Variants in UROD observed in about 807,000 individuals in gnomAD.
UROD encodes uroporphyrinogen III decarboxylase.
UROD carries 34 observed loss-of-function variants against 47.1 expected under a neutral mutation model. The ratio of observed to expected loss-of-function variants is 0.72; its 90% CI spans 0.55 to 0.96. UROD has a LOEUF of 0.96. UROD is among the 40% of genes least tolerant of loss of function. The pLI is 0.00. For synonymous variants in UROD, 148 were observed against 175.8 expected (o/e 0.84, Z 1.25); for missense variants, 381 against 471.8 (o/e 0.81, Z 1.78).
Position 45,013,432 on chromosome 1 carries a change from C to T in UROD, c.276+78C>T. On this transcript the variant is annotated intron_variant, in intron 4 of 9. Coordinates refer to ENST00000246337, the MANE Select transcript of UROD (RefSeq NM_000374.5). The surrounding 1 kb of genome is among the most constrained non-coding windows in gnomAD (Gnocchi z 4.2). ...CTTCTATCAGTCCAGTCAAGGTTTA[C>T]AATAAGCACTTATCCTAACTGGATC... is the stretch of plus-strand genomic sequence containing the variant. 1.2e-6 allele frequency: 2 copies of T among 1,608,426 alleles called. No individual in the cohort carries two copies. The highest frequency in any genetic ancestry group is 2.2e-5 in the South Asian group (2 of 90,970).
intron 6 of UROD, 142 bp from the exon 7 acceptor site, chr1:45,014,294 ATTT>A: frequency 2.8e-6 from 3 of 1,068,696 alleles, no homozygotes; most frequent in Non-Finnish European, 4.0e-6. Flanking sequence ...AGGAAAGTAA[ATTT>A]TTTTTTTTTT....
rs763906014 is a variant in UROD, at chr1:45,013,577, G to A, written c.277-17G>A. 6.2e-7 allele frequency: 1 copy of A among 1,614,112 alleles called. No homozygotes were observed. Among genetic ancestry groups the A allele is most frequent in the South Asian group, 1.1e-5 (1 of 91,078 alleles). ...TGGATTCCATTTTGGGAACCCAGAT[G>A]TTTTCTCCCCCTCCAGGCACTGGGC... On this transcript the variant is annotated splice_polypyrimidine_tract_variant and intron_variant, in intron 4 of 9. Transcript: ENST00000246337. This position sits in a 1 kb window ranked among gnomAD's most constrained non-coding sequence, Gnocchi z 4.2.
chr1:45,013,516 TTCC>T lies in UROD; in HGVS notation c.277-73_277-71del. 6.2e-7 allele frequency: 1 copy of T among 1,609,238 alleles called. No homozygotes were observed. The highest frequency in any genetic ancestry group is 8.5e-7 in the Non-Finnish European group (1 of 1,176,748). ...TGGCAGAGTTTTATTCTCCTTTTCC[TTCC>T]TCCTGGAATGAGCTGAACAGAACCT... On this transcript the variant is annotated intron_variant, in intron 4 of 9. Coordinates refer to ENST00000246337, the MANE Select transcript of UROD (RefSeq NM_000374.5). This position sits in a 1 kb window ranked among gnomAD's most constrained non-coding sequence, Gnocchi z 4.2.
Position 45,013,508 on chromosome 1 carries a change from C to T in UROD, c.277-86C>T. On this transcript the variant is annotated intron_variant, in intron 4 of 9. Transcript: ENST00000246337. This position sits in a 1 kb window ranked among gnomAD's most constrained non-coding sequence, Gnocchi z 4.2. ...ATGGAGTTTGGCAGAGTTTTATTCT[C>T]CTTTTCCTTCCTCCTGGAATGAGCT... The T allele has an allele frequency of 1.2e-6, 2 of 1,606,366 alleles. No homozygotes were observed. The highest frequency in any genetic ancestry group is 1.7e-6 in the Non-Finnish European group (2 of 1,174,680).
Position 45,013,163 on chromosome 1 carries a change from A to G in UROD, c.161A>G (p.Asp54Gly). Residue 54 changes from aspartate (D) to glycine (G), a missense_variant, in exon 3 of 10, where the codon GAC becomes GGC. By Grantham distance (94) the Asp-to-Gly change is moderately conservative. Coordinates refer to ENST00000246337, the MANE Select transcript of UROD (RefSeq NM_000374.5). The surrounding 1 kb of genome is among the most constrained non-coding windows in gnomAD (Gnocchi z 4.2). ...PEFRETRAAQ[D>G]FFSTCRSPEA... is the part of the protein sequence containing the mutation. ...TTTAGGGAAACCCGGGCTGCCCAGG[A>G]CTTTTTCAGCACGTGTCGCTCTCCT... 1 of 1,614,094 alleles carries G rather than the reference A, an allele frequency of 6.2e-7. No homozygotes were observed. The highest frequency in any genetic ancestry group is 8.5e-7 in the Non-Finnish European group (1 of 1,180,022).
In UROD at chr1:45,013,299, G is replaced by C; in HGVS notation, c.221G>C (p.Arg74Pro). 1.2e-6 allele frequency: 2 copies of C among 1,614,150 alleles called. No individual in the cohort carries two copies. Among genetic ancestry groups the C allele is most frequent in the Non-Finnish European group, 1.7e-6 (2 of 1,180,026 alleles). The change falls in exon 4 of 10, where the codon CGT becomes CCT. Residue 74 changes from arginine to proline, a missense_variant. Transcript: ENST00000246337. This position sits in a 1 kb window ranked among gnomAD's most constrained non-coding sequence, Gnocchi z 4.2. The stretch of plus-strand genomic sequence containing the variant: ...GTCTCCTGTTTCCTACAGCCACTGC[G>C]TCGCTTCCCTCTGGATGCTGCCATC... ...ACCELTLQPLRRFPLDAAIIF... is the reference protein window; with the variant it reads ...ACCELTLQPLPRFPLDAAIIF...
chr1:45,015,443 T>C lies in UROD; in HGVS notation c.1049T>C (p.Val350Ala), dbSNP rs775229050. The C allele has an allele frequency of 1.2e-6, 2 of 1,614,196 alleles. No homozygotes were observed. Among genetic ancestry groups the C allele is most frequent in the Non-Finnish European group, 1.7e-6 (2 of 1,180,030 alleles). Residue 350 changes from valine to alanine, a missense_variant, in exon 10 of 10, where the codon GTG becomes GCG. Coordinates refer to ENST00000246337, the MANE Select transcript of UROD (RefSeq NM_000374.5). ...TATCCTGACATGGACCCAGAACATGTGGGCGCCTTTGTGGATGCTGTGCAT... is the reference window on the plus strand; with the variant it reads ...TATCCTGACATGGACCCAGAACATGCGGGCGCCTTTGTGGATGCTGTGCAT... ...GLYPDMDPEHVGAFVDAVHKH... is the reference protein window; with the variant it reads ...GLYPDMDPEHAGAFVDAVHKH...
At position 45,012,296 on chromosome 1, in the gene UROD, C is replaced by T. The variant is rs200431536; in HGVS notation, c.20+11C>T. 5.6e-6 allele frequency: 9 copies of T among 1,614,110 alleles called. No individual in the cohort carries two copies. The South Asian group carries it at 8.8e-5, about 16-fold the overall frequency. ...AGCGAATGGGTTGGGGTGAGTTCTC[C>T]AGAGCACGCGGTGTGGCTAGCCGGG... On this transcript the variant is annotated intron_variant, in intron 1 of 9. Coordinates refer to ENST00000246337, the MANE Select transcript of UROD (RefSeq NM_000374.5).
Position 45,013,023 on chromosome 1 carries a change from A to G in UROD, c.133+4A>G. ...CAGGCAGGCCGTTACTTACCAGGTA[A>G]GAGTCAGGGTCTGGAAATCTAGATA... On this transcript the variant is annotated splice_donor_region_variant and intron_variant, in intron 2 of 9. Coordinates refer to ENST00000246337, the MANE Select transcript of UROD (RefSeq NM_000374.5). The surrounding 1 kb of genome is among the most constrained non-coding windows in gnomAD (Gnocchi z 4.2). The G allele has an allele frequency of 6.2e-7, 1 of 1,614,112 alleles. No homozygotes were observed. The highest frequency in any genetic ancestry group is 8.5e-7 in the Non-Finnish European group (1 of 1,179,990).
At position 45,013,205 on chromosome 1, in the gene UROD, T is replaced by G. The variant is rs766486124; in HGVS notation, c.203T>G (p.Leu68Arg). 1 of 1,614,180 alleles carries G rather than the reference T, an allele frequency of 6.2e-7. No individual in the cohort carries two copies. Among genetic ancestry groups the G allele is most frequent in the Non-Finnish European group, 8.5e-7 (1 of 1,180,030 alleles). ...CGCTCTCCTGAGGCCTGCTGTGAAC[T>G]GACTCTGCAGGTGAGGGGTCCACAA... ...TCRSPEACCE[L>R]TLQPLRRFPL... Residue 68 changes from leucine (L) to arginine (R), a missense_variant, in exon 3 of 10, where the codon CTG becomes CGG. Physicochemically the swap from Leu to Arg is moderately radical, Grantham distance 102. Coordinates refer to ENST00000246337, the MANE Select transcript of UROD (RefSeq NM_000374.5). The surrounding 1 kb of genome is among the most constrained non-coding windows in gnomAD (Gnocchi z 4.2).
Position 45,013,796 on chromosome 1 carries a change from T to C in UROD, c.474+5T>C, listed in dbSNP as rs146943643. The C allele has an allele frequency of 4.2e-5, 67 of 1,614,154 alleles. No homozygotes were observed. The Middle Eastern group carries it at 6.6e-4, about 16-fold the overall frequency. On this transcript the variant is annotated splice_donor_5th_base_variant and intron_variant, in intron 5 of 9. Transcript: ENST00000246337. This position sits in a 1 kb window ranked among gnomAD's most constrained non-coding sequence, Gnocchi z 4.2. ...ATTGGCTTTGCTGGTGCCCCAGTAA[T>C]GTGGGACAGGGCAGGGACTCGGGGC...
intron 1 of UROD, among the ~76,000 whole-genome samples, chr1:45,012,531 T>C (rs949332831): frequency 6.6e-6 from 1 of 152,208 alleles, no homozygotes; most frequent in Non-Finnish European, 1.5e-5. Context: ...CTGATCCCTC[T>C]TTATCCCCCA....
chr1:45,014,475 G>C lies in UROD; in HGVS notation c.673G>C (p.Gly225Arg). The change falls in exon 7 of 10, where the codon GGC becomes CGC. Residue 225 changes from glycine to arginine, a missense_variant. Gly to Arg is a moderately radical substitution (Grantham distance 125, BLOSUM62 -2). Coordinates refer to ENST00000246337, the MANE Select transcript of UROD (RefSeq NM_000374.5). ...QLFESHAGHL[G>R]PQLFNKFALP... The stretch of plus-strand genomic sequence containing the variant: ...GTTTGAGTCCCATGCAGGGCATCTT[G>C]GCCCACAGCTCTTCAACAAGTTTGC... 6.2e-7 allele frequency: 1 copy of C among 1,614,124 alleles called. No individual in the cohort carries two copies. The highest frequency in any genetic ancestry group is 8.5e-7 in the Non-Finnish European group (1 of 1,180,026).
intron 8 of UROD, 36 bp from the exon 9 acceptor site, chr1:45,014,904 G>A (rs1490667419): frequency 1.9e-6 from 3 of 1,614,070 alleles, no homozygotes; most frequent in African/African-American, 1.3e-5. Flanking sequence ...TGCCATGTAT[G>A]CAGTTACCAG....
At position 45,012,992 on chromosome 1, in the gene UROD, A is replaced by G; in HGVS notation, c.106A>G (p.Met36Val). The G allele has an allele frequency of 6.2e-7, 1 of 1,613,952 alleles. No individual in the cohort carries two copies. The highest frequency in any genetic ancestry group is 8.5e-7 in the Non-Finnish European group (1 of 1,180,010). ...AACAGACTACACTCCCGTTTGGTGC[A>G]TGCGCCAGGCAGGCCGTTACTTACC... ...EETDYTPVWC[M>V]RQAGRYLPEF... is the part of the protein sequence containing the mutation. Residue 36 changes from methionine (M) to valine (V), a missense_variant, in exon 2 of 10, where the codon ATG becomes GTG. Coordinates refer to ENST00000246337, the MANE Select transcript of UROD (RefSeq NM_000374.5).
At position 45,014,214 on chromosome 1, in the gene UROD, C is replaced by G. The variant is rs909640346; in HGVS notation, c.636+144C>G. ...CCAGTGATCTAGCGGAGCAGCCAAG[C>G]CCATCCTGACACTGACAGTGGGGCT... On this transcript the variant is annotated intron_variant, in intron 6 of 9. Coordinates refer to ENST00000246337, the MANE Select transcript of UROD (RefSeq NM_000374.5). 1.6e-5 allele frequency: 21 copies of G among 1,335,982 alleles called. No individual in the cohort carries two copies. The African/African-American group carries it at 2.9e-4, about 18-fold the overall frequency. 82.8% of individuals were successfully genotyped at this position (1,335,982 alleles called of 1,614,324 possible). A position where few individuals can be genotyped will look rare whatever the true frequency, so the allele number is the denominator to read the frequency against.
At position 45,014,041 on chromosome 1, in the gene UROD, C is replaced by T. The variant is rs1250530949; in HGVS notation, c.607C>T (p.Leu203=). 6.2e-7 allele frequency: 1 copy of T among 1,614,236 alleles called. No individual in the cohort carries two copies. Among genetic ancestry groups the T allele is most frequent in the Admixed American group, 1.7e-5 (1 of 60,016 alleles). ...RILTDALVPY[L]VGQVVAGAQA... ...CCTCACTGATGCTCTGGTCCCATAT[C>T]TGGTAGGACAAGTGGTGGCTGGTGC... is the stretch of plus-strand genomic sequence containing the variant. Residue 203 remains leucine, a synonymous_variant, in exon 6 of 10, where the codon CTG becomes TTG. Transcript: ENST00000246337.
rs201500522 is a variant in UROD at position 45,014,830 on chromosome 1, A to G, written c.869A>G (p.Lys290Arg). The G allele has an allele frequency of 8.7e-6, 14 of 1,614,202 alleles. No individual in the cohort carries two copies. The African/African-American group carries it at 1.7e-4, about 20-fold the overall frequency. The change falls in exon 8 of 10, where the codon AAA becomes AGA. Residue 290 changes from lysine to arginine, a missense_variant. Physicochemically the swap from Lys to Arg is conservative, Grantham distance 26 (BLOSUM62 2). Coordinates refer to ENST00000246337, the MANE Select transcript of UROD (RefSeq NM_000374.5). ...CTTGACTGGACAGTGGCCCCAAAGA[A>G]AGCCCGGTAAGCCATGGAAGGGTGA... ...VGLDWTVAPKKARECVGKTVT... is the reference protein window; with the variant it reads ...VGLDWTVAPKRARECVGKTVT...
chr1:45,013,228 C>T lies in UROD; in HGVS notation c.213+13C>T. On this transcript the variant is annotated intron_variant, in intron 3 of 9. Coordinates refer to ENST00000246337, the MANE Select transcript of UROD (RefSeq NM_000374.5). This position sits in a 1 kb window ranked among gnomAD's most constrained non-coding sequence, Gnocchi z 4.2. ...ACTGACTCTGCAGGTGAGGGGTCCACAAAAGAGGGAAAGATTTATGCCTTC... is the reference window on the plus strand; with the variant it reads ...ACTGACTCTGCAGGTGAGGGGTCCATAAAAGAGGGAAAGATTTATGCCTTC... 1.2e-6 allele frequency: 2 copies of T among 1,614,182 alleles called. No individual in the cohort carries two copies. Among genetic ancestry groups the T allele is most frequent in the Non-Finnish European group, 1.7e-6 (2 of 1,180,032 alleles).
Sources: allele counts gnomAD v4.1 joint callset (sites outside exome capture counted in the v4.1 genomes callset), GRCh38; gene constraint gnomAD v4.1.1; non-coding constraint Gnocchi (gnomAD v3.1); transcripts MANE v1.5; gene names NCBI Gene and HGNC (gene_info 2026-07-23, HGNC 2026-07-21).